The following AUTS2 variants were observed in gnomAD, a reference collection of about 807,000 sequenced individuals.
AUTS2 encodes autism susceptibility gene 2 protein.
In AUTS2, 17 loss-of-function variants were observed where a neutral mutation model predicts 112.4. The ratio of observed to expected loss-of-function variants is 0.15; its 90% CI spans 0.10 to 0.23. The LOEUF (loss-of-function observed/expected upper bound fraction) is 0.23, where lower values mean the gene tolerates loss of function less well. Among genes scored for constraint, AUTS2 ranks in the 10% least tolerant of loss-of-function variants. The pLI, the probability that AUTS2 is intolerant of heterozygous loss-of-function variation, is 1.00. For synonymous variants in AUTS2, 751 were observed against 702.7 expected (o/e 1.07, Z -1.09); for missense variants, 1,510 against 1,701.6 (o/e 0.89, Z 1.98).
chr7:69,911,667 C>T (rs571381982), intron 2 of AUTS2, among the ~76,000 whole-genome samples: 7 of 152,236 alleles, frequency 4.6e-5, no homozygotes, highest in South Asian at 4.2e-4. Context: ...AGAGGCGAGC[C>T]GCAGTGGTAG....
At chr7:70,355,360 C>G (rs80292723) in intron 4 of AUTS2, among the ~76,000 whole-genome samples, 1 of 152,174 alleles carries the variant, frequency 6.6e-6, no homozygotes, top group African/African-American at 2.4e-5. Flanking sequence ...TTAACGAGAT[C>G]AAAAGCAGGG....
intron 2 of AUTS2, among the ~76,000 whole-genome samples, chr7:69,967,439 A>AG (rs1797676788): frequency 2.6e-5 from 4 of 151,982 alleles, no homozygotes. Context: ...AGGGAGTGGG[A>AG]GGGAGGGAGA....
In AUTS2 at chr7:70,791,268, A is replaced by G. The variant is rs1213793957; in HGVS notation, c.*272A>G. Reference sequence around the variant, plus strand: ...CTTTTTGATTTGAACCAAAACAGTGAAGATGACAACACACACCAATTGGAT... The same window carrying G: ...CTTTTTGATTTGAACCAAAACAGTGGAGATGACAACACACACCAATTGGAT... On this transcript the variant is annotated 3_prime_UTR_variant, in exon 19 of 19. Coordinates refer to ENST00000342771, the MANE Select transcript of AUTS2 (RefSeq NM_015570.4). 6.7e-6 allele frequency: 2 copies of G among 299,136 alleles called. No individual in the cohort carries two copies. The highest frequency in any genetic ancestry group is 5.1e-5 in the Admixed American group (1 of 19,634). The allele number at this position is 299,136 out of a possible 1,614,324, so 18.5% of individuals were successfully genotyped here. A position where few individuals can be genotyped will look rare whatever the true frequency, so the allele number is the denominator to read the frequency against.
chr7:69,626,042 A>C (rs1793928626), intron 1 of AUTS2, among the ~76,000 whole-genome samples: 2 of 152,182 alleles, frequency 1.3e-5, no homozygotes, highest in South Asian at 4.1e-4. Context: ...CCTAACATCT[A>C]CCACCAAGGA....
chr7:70,764,026 C>T (rs546544716), intron 7 of AUTS2, among the ~76,000 whole-genome samples: 6 of 152,298 alleles, frequency 3.9e-5, no homozygotes, highest in East Asian at 3.9e-4. Flanking sequence ...CAGTGTGCAG[C>T]GCCAAGTAGA....
In AUTS2 at chr7:70,716,628, C is replaced by T. The variant is rs1410853934; in HGVS notation, c.742+18008C>T. 2.3e-4 allele frequency among the ~76,000 whole-genome samples: 24 copies of T among 105,638 alleles called. No homozygotes were observed. In the South Asian group the frequency reaches 8.2e-3, roughly 36 times the overall value. 69.3% of individuals were successfully genotyped at this position (105,638 alleles called of 152,430 possible). On this transcript the variant is annotated intron_variant, in intron 6 of 18. Coordinates refer to ENST00000342771, the MANE Select transcript of AUTS2 (RefSeq NM_015570.4). Reference sequence around the variant, plus strand: ...CTCCAACCTGGGTGACAGAGCGAGACTCCGTCTCAAAAAAAAAAAAAAAAA... The same window carrying T: ...CTCCAACCTGGGTGACAGAGCGAGATTCCGTCTCAAAAAAAAAAAAAAAAA...
At chr7:70,485,661 T>G (rs891739760) in intron 5 of AUTS2, among the ~76,000 whole-genome samples, 1 of 151,822 alleles carries the variant, frequency 6.6e-6, no homozygotes, top group Admixed American at 6.6e-5. Flanking sequence ...AAAAAAAGTA[T>G]CTCTGGTTTC....
At chr7:70,408,427 A>T (rs1794634277) in intron 4 of AUTS2, among the ~76,000 whole-genome samples, 2 of 152,170 alleles carry the variant, frequency 1.3e-5, no homozygotes. Flanking sequence ...TGCCTGTAAG[A>T]GGGCACATTA....
intron 6 of AUTS2, among the ~76,000 whole-genome samples, chr7:70,718,734 C>T (rs73165378): frequency 0.11 from 16,181 of 152,222 alleles, 1,363 homozygotes; most frequent in East Asian, 0.39. Context: ...AGCCCTGCTG[C>T]TTCTTCATAT....
intron 5 of AUTS2, among the ~76,000 whole-genome samples, chr7:70,615,605 G>GTTGT (rs1436846954): frequency 6.2e-4 from 78 of 126,752 alleles, no homozygotes; most frequent in Non-Finnish European, 1.1e-3. Flanking sequence ...GTTGTTGTTG[G>GTTGT]AAAAGCATTT....
At chr7:70,555,269 G>C (rs779110683) in intron 5 of AUTS2, among the ~76,000 whole-genome samples, 15 of 152,146 alleles carry the variant, frequency 9.9e-5, no homozygotes, top group Non-Finnish European at 1.8e-4. Context: ...ATTAGAGCAG[G>C]ATTTCCTGAA....
intron 5 of AUTS2, among the ~76,000 whole-genome samples, chr7:70,442,577 C>CA (rs1796163051): frequency 6.6e-6 from 1 of 152,124 alleles, no homozygotes; most frequent in Non-Finnish European, 1.5e-5. Flanking sequence ...TGAACCCTCC[C>CA]ACTCCTTGAT....
intron 5 of AUTS2, among the ~76,000 whole-genome samples, chr7:70,455,014 T>A (rs1204720288): frequency 6.6e-6 from 1 of 152,178 alleles, no homozygotes; most frequent in Non-Finnish European, 1.5e-5. Context: ...CCTTGTTGAT[T>A]CTTTGCTTCC....
intron 1 of AUTS2, among the ~76,000 whole-genome samples, chr7:69,606,203 G>T (rs1251960217): frequency 6.6e-6 from 1 of 152,186 alleles, no homozygotes; most frequent in African/African-American, 2.4e-5. Flanking sequence ...AAGGAGTGTT[G>T]AGGGTGATAG....
At chr7:70,256,384 G>T (rs1786870748) in intron 4 of AUTS2, among the ~76,000 whole-genome samples, 1 of 152,234 alleles carries the variant, frequency 6.6e-6, no homozygotes, top group Admixed American at 6.5e-5. Context: ...ATAACAGGCA[G>T]CAATGGTGGT....
At chr7:70,005,703 G>A (rs1799516665) in intron 2 of AUTS2, among the ~76,000 whole-genome samples, 1 of 152,098 alleles carries the variant, frequency 6.6e-6, no homozygotes, top group African/African-American at 2.4e-5. Flanking sequence ...CTTGGGCCTG[G>A]TCACCAGCTG....
chr7:69,620,618 C>T (rs370228721), intron 1 of AUTS2, among the ~76,000 whole-genome samples: 1 of 152,114 alleles, frequency 6.6e-6, no homozygotes, highest in Non-Finnish European at 1.5e-5. Context: ...ATTCCCAGCA[C>T]GTAAGGACTC....
At chr7:70,390,352 A>G (rs1246728308) in intron 4 of AUTS2, among the ~76,000 whole-genome samples, 1 of 152,124 alleles carries the variant, frequency 6.6e-6, no homozygotes, top group Non-Finnish European at 1.5e-5. Flanking sequence ...GATGGTGCTA[A>G]TGCTGCCTGT....
At chr7:69,669,545 A>G (rs932103297) in intron 1 of AUTS2, among the ~76,000 whole-genome samples, 9 of 152,114 alleles carry the variant, frequency 5.9e-5, no homozygotes, top group Non-Finnish European at 1.0e-4. Flanking sequence ...TCTAATATTT[A>G]TGTGTTATAA....
Sources: gnomAD v4.1 joint callset for allele counts (sites outside exome capture counted in the v4.1 genomes callset) on GRCh38, gnomAD v4.1.1 for gene constraint, MANE v1.5 for transcripts, NCBI Gene and HGNC (gene_info 2026-07-23, HGNC 2026-07-21) for gene names.